Variants in CSMD3 observed in about 807,000 individuals in gnomAD.
CSMD3 encodes the protein CUB and sushi domain-containing protein 3.
In CSMD3, 177 loss-of-function variants were observed where a neutral mutation model predicts 435.2. The ratio of observed to expected loss-of-function variants is 0.41; its 90% CI spans 0.36 to 0.46. CSMD3 has a LOEUF of 0.46. Ranked by LOEUF, CSMD3 falls within the 20% of genes least tolerant of loss-of-function variation. The probability of loss-of-function intolerance (pLI) is 0.34; values close to 1 mark genes in which losing one functional copy is unlikely to be tolerated. For synonymous variants in CSMD3, 1,656 were observed against 1,520.5 expected, an observed-to-expected ratio of 1.09 and a Z score of -2.07; for missense variants, 4,265 against 4,504.6, an observed-to-expected ratio of 0.95 and a Z score of 1.52.
intron 5 of CSMD3, among the ~76,000 whole-genome samples, chr8:113,046,844 A>G (rs1432117246): frequency 6.6e-6 from 1 of 152,194 alleles, no homozygotes; most frequent in Non-Finnish European, 1.5e-5. Context: ...CAGACGATGT[A>G]ACCTTCTCTC....
At chr8:112,903,860 C>T (rs181142707) in intron 10 of CSMD3, among the ~76,000 whole-genome samples, 87 of 151,348 alleles carry the variant, frequency 5.7e-4, no homozygotes, top group Admixed American at 3.6e-3. Flanking sequence ...TGTCATTCCA[C>T]GAGGTAAACA....
chr8:112,575,797 T>C (rs897190649), intron 23 of CSMD3, among the ~76,000 whole-genome samples: 1 of 152,124 alleles, frequency 6.6e-6, no homozygotes, highest in East Asian at 1.9e-4. Flanking sequence ...ATATAACTTG[T>C]ATGTCTGTGA....
intron 4 of CSMD3, among the ~76,000 whole-genome samples, chr8:113,099,384 A>G (rs2090265314): frequency 6.6e-6 from 1 of 152,072 alleles, no homozygotes; most frequent in African/African-American, 2.4e-5. Flanking sequence ...CAATGCAAGT[A>G]TGTACAACAC....
intron 9 of CSMD3, among the ~76,000 whole-genome samples, chr8:112,937,026 C>CT (rs1178276816): frequency 6.6e-6 from 1 of 152,016 alleles, no homozygotes; most frequent in Non-Finnish European, 1.5e-5. Flanking sequence ...AGTAGACAAT[C>CT]TATAGAGTGT....
chr8:113,023,286 A>T (rs1369480799), intron 5 of CSMD3, among the ~76,000 whole-genome samples: 3 of 152,018 alleles, frequency 2.0e-5, no homozygotes, highest in African/African-American at 7.2e-5. Flanking sequence ...GCCTATCTAT[A>T]TTATCCATAG....
rs1831876456 is a variant in CSMD3, at chr8:112,406,539, A to G, written c.5794T>C (p.Leu1932=). ...ATATACTCACCAATACAAGTAGGTA[A>G]GGAATCATTCCACTGGGCCAAAGAA... The part of the protein sequence containing the change: ...PNSLAQWNDS[L]PTCIVPCGGI... The change falls in exon 35 of 71, where the codon TTA becomes CTA. Residue 1932 remains leucine (L), a synonymous_variant. Coordinates refer to ENST00000297405, the MANE Select transcript of CSMD3 (RefSeq NM_198123.2). 1.2e-6 allele frequency: 2 copies of G among 1,607,560 alleles called. No homozygotes were observed. The highest frequency in any genetic ancestry group is 1.7e-6 in the Non-Finnish European group (2 of 1,174,938).
At chr8:112,712,119 T>C (rs2076622969) in intron 13 of CSMD3, among the ~76,000 whole-genome samples, 1 of 152,134 alleles carries the variant, frequency 6.6e-6, no homozygotes, top group Non-Finnish European at 1.5e-5. Context: ...TCAGATACTA[T>C]TGACCTCTCC....
chr8:113,289,994 A>C (rs935778279), intron 2 of CSMD3, among the ~76,000 whole-genome samples: 6 of 151,768 alleles, frequency 4.0e-5, no homozygotes, highest in African/African-American at 1.4e-4. Context: ...TGCATTTAAA[A>C]TGTATATATT....
At chr8:113,281,163 CTGTAT>C (rs1563647020) in intron 2 of CSMD3, among the ~76,000 whole-genome samples, 1 of 151,706 alleles carries the variant, frequency 6.6e-6, no homozygotes, top group Non-Finnish European at 1.5e-5. Flanking sequence ...ATAAAATGTG[CTGTAT>C]ATCTATCTGT....
intron 3 of CSMD3, among the ~76,000 whole-genome samples, chr8:113,188,855 T>C (rs957756120): frequency 9.2e-5 from 14 of 151,932 alleles, no homozygotes; most frequent in African/African-American, 3.4e-4. Context: ...GAGATTTATT[T>C]GGGTTACTTA....
intron 6 of CSMD3, chr8:113,018,764 C>A (rs9297482): frequency 0.57 from 187,592 of 327,784 alleles, 57,392 homozygotes; most frequent in East Asian, 0.95. Flanking sequence ...ATTTGCGGTA[C>A]AACTTCAGAT....
At chr8:112,516,547 G>T (rs540223180) in intron 28 of CSMD3, among the ~76,000 whole-genome samples, 1 of 152,128 alleles carries the variant, frequency 6.6e-6, no homozygotes, top group Non-Finnish European at 1.5e-5. Context: ...TGATCCAGGC[G>T]CTACAGCTTC....
rs1351044735 is a variant in CSMD3 at position 112,261,994 on chromosome 8, T to C, written c.9862+1645A>G. 7.2e-5 allele frequency among the ~76,000 whole-genome samples: 11 copies of C among 152,284 alleles called. No individual in the cohort carries two copies. The East Asian group carries it at 2.1e-3, about 29-fold the overall frequency. On this transcript the variant is annotated intron_variant, in intron 61 of 70. Coordinates refer to ENST00000297405, the MANE Select transcript of CSMD3 (RefSeq NM_198123.2). The stretch of plus-strand genomic sequence containing the variant: ...ATTGTACAAGTCTGTGATTGGTCTC[T>C]GATAATGAGAAATTTTCATATTTTA...
chr8:112,325,809 C>G (rs930944955), intron 45 of CSMD3, among the ~76,000 whole-genome samples: 3 of 151,944 alleles, frequency 2.0e-5, no homozygotes, highest in African/African-American at 7.2e-5. Context: ...AAAACTTGGG[C>G]AAGTTATTTA....
At chr8:112,333,402 G>A (rs1214254261) in intron 45 of CSMD3, among the ~76,000 whole-genome samples, 1 of 152,040 alleles carries the variant, frequency 6.6e-6, no homozygotes, top group Non-Finnish European at 1.5e-5. Flanking sequence ...CCCGACCTCA[G>A]GTAATCCACC....
chr8:112,819,733 T>C (rs1330686179), intron 12 of CSMD3, among the ~76,000 whole-genome samples: 2 of 152,292 alleles, frequency 1.3e-5, no homozygotes, highest in East Asian at 3.9e-4. Flanking sequence ...AAATCACAGA[T>C]TTTTCAAAAT....
Position 112,224,465 on chromosome 8 carries a change from G to A in CSMD3, c.*306C>T, listed in dbSNP as rs1276561460. ...ATAGTTTATAAAGCACAGAAATACT[G>A]ATAGTGGATGCTCCTCCAATATATG... is the stretch of plus-strand genomic sequence containing the variant. On this transcript the variant is annotated 3_prime_UTR_variant, in exon 71 of 71. Transcript: ENST00000297405. The A allele has an allele frequency of 2.6e-6, 1 of 388,480 alleles. No homozygotes were observed. Among genetic ancestry groups the A allele is most frequent in the East Asian group, 6.0e-5 (1 of 16,662 alleles). The allele number at this position is 388,480 out of a possible 1,614,324, so 24.1% of individuals were successfully genotyped here.
rs536845865 is a variant in CSMD3, at chr8:112,777,804, A to G, written c.1972+22358T>C. On this transcript the variant is annotated intron_variant, in intron 13 of 70. Coordinates refer to ENST00000297405, the MANE Select transcript of CSMD3 (RefSeq NM_198123.2). ...AGTCTGCAATGTTGTGAAAGCTGAAATAAACATGAATGACACTTGAGAGCA... is the reference window on the plus strand; with the variant it reads ...AGTCTGCAATGTTGTGAAAGCTGAAGTAAACATGAATGACACTTGAGAGCA... Among the ~76,000 whole-genome samples, 7 of 151,954 alleles carry G rather than the reference A, an allele frequency of 4.6e-5. No individual in the cohort carries two copies. In the South Asian group the frequency reaches 1.5e-3, roughly 32 times the overall value.
intron 9 of CSMD3, 38 bp from the exon 10 acceptor site, chr8:112,921,789 G>C (rs772049270): frequency 1.3e-6 from 2 of 1,527,922 alleles, no homozygotes; most frequent in Non-Finnish European, 1.8e-6. Context: ...TGATAAGAAA[G>C]ATGCAACATA....
Sources: gnomAD v4.1 joint callset for allele counts (sites outside exome capture counted in the v4.1 genomes callset) on GRCh38, gnomAD v4.1.1 for gene constraint, MANE v1.5 for transcripts, NCBI Gene and HGNC (gene_info 2026-07-23, HGNC 2026-07-21) for gene names.